RFC3: variants seen among roughly 807,000 people sequenced by gnomAD.
RFC3 encodes the protein replication factor C subunit 3.
Under a neutral mutation model 45.1 loss-of-function variants are expected in RFC3, and 41 were observed. The ratio of observed to expected loss-of-function variants is 0.91; its 90% CI spans 0.71 to 1.18. The LOEUF is 1.18. RFC3 is among the 50% of genes most tolerant of loss of function. RFC3 has a pLI of 0.00. For missense variants in RFC3, 423 were observed against 428.1 expected, an observed-to-expected ratio of 0.99 and a Z score of 0.10; for synonymous variants, 149 against 144.0, an observed-to-expected ratio of 1.03 and a Z score of -0.25.
intron 8 of RFC3, among the ~76,000 whole-genome samples, chr13:33,900,367 T>C (rs1443627627): frequency 6.6e-6 from 1 of 151,752 alleles, no homozygotes; most frequent in African/African-American, 2.4e-5. Flanking sequence ...AGCCCAGACA[T>C]AAATACATGC....
chr13:33,896,799 A>G lies in RFC3; in HGVS notation c.879+61582A>G, dbSNP rs115067483. Among the ~76,000 whole-genome samples, 1,115 of 149,408 alleles carry G rather than the reference A, an allele frequency of 7.5e-3. 15 individuals are homozygous for G. The highest frequency in any genetic ancestry group is 0.026 in the African/African-American group (1,051 of 41,192). Reference sequence around the variant, plus strand: ...TTTTTGTCTAGCAACAGATTTCTCAATGGAAACTATATAGGCCAACAGGGA... The same window carrying G: ...TTTTTGTCTAGCAACAGATTTCTCAGTGGAAACTATATAGGCCAACAGGGA... On this transcript the variant is annotated intron_variant, in intron 8 of 8. Coordinates refer to the RFC3 transcript ENST00000434425.
rs7993128 is a variant in RFC3, at chr13:33,917,424, C to T, written c.880-48663C>T. ...AGCATCCTTTTAATATTGCAGCACACGCTGCTGTTTCCAGGGCCTCTTCAG... is the reference window on the plus strand; with the variant it reads ...AGCATCCTTTTAATATTGCAGCACATGCTGCTGTTTCCAGGGCCTCTTCAG... On this transcript the variant is annotated intron_variant, in intron 8 of 8. Coordinates refer to the RFC3 transcript ENST00000434425. Among the ~76,000 whole-genome samples, 1,073 of 152,234 alleles carry T rather than the reference C, an allele frequency of 7.0e-3. 11 individuals are homozygous for T. Among genetic ancestry groups the T allele is most frequent in the Middle Eastern group, 0.031 (9 of 294 alleles).
At chr13:33,948,474 T>A (rs968644367) in intron 8 of RFC3, among the ~76,000 whole-genome samples, 2 of 152,178 alleles carry the variant, frequency 1.3e-5, no homozygotes, top group Non-Finnish European at 2.9e-5. Flanking sequence ...TGCGGTTGGA[T>A]TCCCCCAAAG....
chr13:33,974,146 G>A, the RFC3 span, among the ~76,000 whole-genome samples: 1 of 152,182 alleles, frequency 6.6e-6, no homozygotes, highest in African/African-American at 2.4e-5. Flanking sequence ...ATTTGCACTC[G>A]TGGCTGCAGA....
At chr13:33,887,656 G>T (rs372250596) in intron 8 of RFC3, among the ~76,000 whole-genome samples, 1 of 152,088 alleles carries the variant, frequency 6.6e-6, no homozygotes, top group Admixed American at 6.5e-5. Flanking sequence ...GTCAATTTTG[G>T]CTTTAGTTGC....
chr13:33,973,544 T>G, the RFC3 span, among the ~76,000 whole-genome samples: 71 of 152,248 alleles, frequency 4.7e-4, 2 homozygotes, highest in African/African-American at 1.7e-3. Context: ...GGGTGAAGAC[T>G]GCATCTCATA....
intron 8 of RFC3, among the ~76,000 whole-genome samples, chr13:33,874,361 A>C (rs1333657579): frequency 5.3e-5 from 8 of 152,194 alleles, no homozygotes. Flanking sequence ...TCTGTTATCC[A>C]GGCTGGAGTG....
chr13:33,892,406 T>C (rs1403333498), intron 8 of RFC3, among the ~76,000 whole-genome samples: 1 of 152,228 alleles, frequency 6.6e-6, no homozygotes, highest in Non-Finnish European at 1.5e-5. Context: ...AGCCTCAGCC[T>C]GAAAACATCT....
rs573975733 is a variant in RFC3 at position 33,961,003 on chromosome 13, C to A, written c.880-5084C>A. 2.3e-4 allele frequency among the ~76,000 whole-genome samples: 35 copies of A among 152,240 alleles called. No individual in the cohort carries two copies. In the South Asian group the frequency reaches 6.0e-3, roughly 26 times the overall value. On this transcript the variant is annotated intron_variant, in intron 8 of 8. Coordinates refer to the RFC3 transcript ENST00000434425. ...GTGGTCCAGTGAAATCCAGGACACC[C>A]AATTAAGTTTGAATCTCAGATAAAT...
At chr13:33,931,755 C>T (rs1328226398) in intron 8 of RFC3, among the ~76,000 whole-genome samples, 1 of 152,006 alleles carries the variant, frequency 6.6e-6, no homozygotes, top group Admixed American at 6.6e-5. Context: ...CCTCCCTTTC[C>T]TCTAAGAGTC....
chr13:33,860,690 G>A (rs77706335), intron 8 of RFC3, among the ~76,000 whole-genome samples: 1,794 of 152,214 alleles, frequency 0.012, 39 homozygotes, highest in African/African-American at 0.041. Context: ...GAAATGAACC[G>A]TGTTATATTT....
At chr13:33,945,274 A>G (rs2082948000) in intron 8 of RFC3, among the ~76,000 whole-genome samples, 1 of 152,228 alleles carries the variant, frequency 6.6e-6, no homozygotes, top group Non-Finnish European at 1.5e-5. Flanking sequence ...GGTTAAGGTT[A>G]TGTCCTTATG....
In RFC3 at chr13:33,836,060, T is replaced by C. The variant is rs377594733; in HGVS notation, c.880-44T>C. 1.8e-4 allele frequency: 289 copies of C among 1,562,962 alleles called. No individual in the cohort carries two copies. The African/African-American group carries it at 3.0e-3, about 16-fold the overall frequency. On this transcript the variant is annotated intron_variant, in intron 8 of 8. Coordinates refer to ENST00000380071, the MANE Select transcript of RFC3 (RefSeq NM_002915.4). ...ATGGGAGAAATAAGGCATGCTTAGC[T>C]GTTTTTATTAATGATTTTTAAATTA...
chr13:33,971,849 C>A, the RFC3 span, among the ~76,000 whole-genome samples: 1 of 152,152 alleles, frequency 6.6e-6, no homozygotes, highest in Non-Finnish European at 1.5e-5. Flanking sequence ...CAGTGGCTCA[C>A]GCCTGTAATC....
chr13:33,957,763 G>C (rs2083030998), intron 8 of RFC3, among the ~76,000 whole-genome samples: 1 of 152,152 alleles, frequency 6.6e-6, no homozygotes, highest in Non-Finnish European at 1.5e-5. Context: ...AAGGTCTTCT[G>C]TACACCGTGG....
intron 7 of RFC3, among the ~76,000 whole-genome samples, chr13:33,833,834 A>G (rs946764925): frequency 6.6e-6 from 1 of 152,168 alleles, no homozygotes; most frequent in Non-Finnish European, 1.5e-5. Flanking sequence ...ACAAGTCTTG[A>G]TGGAAGCCTG....
intron 8 of RFC3, among the ~76,000 whole-genome samples, chr13:33,963,447 C>T (rs2083069491): frequency 6.6e-6 from 1 of 152,162 alleles, no homozygotes; most frequent in African/African-American, 2.4e-5. Context: ...TTAAAACTAC[C>T]TAAACAGTAA....
intron 8 of RFC3, among the ~76,000 whole-genome samples, chr13:33,872,524 G>A (rs1477006943): frequency 3.9e-5 from 6 of 152,030 alleles, no homozygotes; most frequent in Admixed American, 6.6e-5. Context: ...ACCTGAGGTC[G>A]GGAGTTCGAG....
chr13:33,883,526 A>G (rs908680345), intron 8 of RFC3, among the ~76,000 whole-genome samples: 2 of 152,128 alleles, frequency 1.3e-5, no homozygotes, highest in African/African-American at 4.8e-5. Flanking sequence ...ACACACACAC[A>G]AACACTCACA....
Sources: gnomAD v4.1 joint callset for allele counts (sites outside exome capture counted in the v4.1 genomes callset) on GRCh38, gnomAD v4.1.1 for gene constraint, MANE v1.5 for transcripts, NCBI Gene and HGNC (gene_info 2026-07-23, HGNC 2026-07-21) for gene names.